Variants in ABCA13 observed in about 807,000 individuals in gnomAD.
ABCA13 encodes the protein ATP binding cassette subfamily A member 13.
In ABCA13, 476 loss-of-function variants were observed where a neutral mutation model predicts 478.7. The ratio of observed to expected loss-of-function variants is 0.99; its 90% CI spans 0.92 to 1.07. The LOEUF (loss-of-function observed/expected upper bound fraction) is 1.07. Ranked by LOEUF, ABCA13 falls within the 50% of genes least tolerant of loss-of-function variation. The pLI, the probability that ABCA13 is intolerant of heterozygous loss-of-function variation, is 0.00. For synonymous variants in ABCA13, 2,252 were observed against 2,158.9 expected, an observed-to-expected ratio of 1.04 and a Z score of -1.20; for missense variants, 6,060 against 5,910.6, an observed-to-expected ratio of 1.03 and a Z score of -0.83.
chr7:48,181,004 A>G (rs1002599190), intron 1 of ABCA13, among the ~76,000 whole-genome samples: 1 of 152,198 alleles, frequency 6.6e-6, no homozygotes, highest in Non-Finnish European at 1.5e-5. Flanking sequence ...TCTAAGTAGT[A>G]ATATGGCTAA....
chr7:48,335,461 T>G lies in ABCA13; in HGVS notation c.10039T>G (p.Leu3347Val). Residue 3347 changes from leucine to valine, a missense_variant, in exon 28 of 62, where the codon TTA becomes GTA. This residue lies in a region of ABCA13 where 4,423 missense variants were observed against 4,309.1 expected (regional missense o/e 1.03). Coordinates refer to ENST00000435803, the MANE Select transcript of ABCA13 (RefSeq NM_152701.5). ...TTATATTGTGGACAAACTAAAAACT[T>G]TATCAGAAACACTGCTGGAAATGTC... is the stretch of plus-strand genomic sequence containing the variant. Reference protein sequence around the residue: ...TFYIVDKLKTLSETLLEMSSL... With the variant: ...TFYIVDKLKTVSETLLEMSSL... The G allele has an allele frequency of 6.2e-7, 1 of 1,613,374 alleles. No individual in the cohort carries two copies.
intron 3 of ABCA13, among the ~76,000 whole-genome samples, chr7:48,217,597 G>T (rs1786678477): frequency 6.6e-6 from 1 of 152,124 alleles, no homozygotes; most frequent in Admixed American, 6.5e-5. Flanking sequence ...TTGACTCCAA[G>T]GGAGCTCTCA....
chr7:48,420,643 A>G lies in ABCA13; in HGVS notation c.12460-7123A>G, dbSNP rs546990984. Among the ~76,000 whole-genome samples the G allele has an allele frequency of 2.0e-5, 3 of 151,652 alleles. No homozygotes were observed. In the East Asian group the frequency reaches 5.8e-4, roughly 29 times the overall value. Reference sequence around the variant, plus strand: ...TGTACCTTTGCCAAGGAGGTTCTGGATGCTAGTTCCTTGGGTGCATGAACT... The same window carrying G: ...TGTACCTTTGCCAAGGAGGTTCTGGGTGCTAGTTCCTTGGGTGCATGAACT... On this transcript the variant is annotated intron_variant, in intron 41 of 61. Transcript: ENST00000435803.
intron 58 of ABCA13, among the ~76,000 whole-genome samples, chr7:48,595,534 T>G (rs980881177): frequency 2.6e-5 from 4 of 152,328 alleles, no homozygotes; most frequent in Non-Finnish European, 4.4e-5. Context: ...AAATTTAGCT[T>G]GATACAGTTT....
intron 29 of ABCA13, among the ~76,000 whole-genome samples, chr7:48,341,914 C>CTT (rs1807287601): frequency 5.4e-5 from 2 of 37,300 alleles, no homozygotes; most frequent in Non-Finnish European, 6.0e-5. Flanking sequence ...TATATATATA[C>CTT]TCATATATAT....
chr7:48,580,072 C>T (rs1384162796), intron 55 of ABCA13, among the ~76,000 whole-genome samples, 152 bp from the exon 56 acceptor site: 1 of 152,294 alleles, frequency 6.6e-6, no homozygotes, highest in Non-Finnish European at 1.5e-5. Flanking sequence ...TTGTATTCTT[C>T]ACGTCTCATG....
At chr7:48,383,186 A>G (rs1218652955) in intron 35 of ABCA13, among the ~76,000 whole-genome samples, 4 of 152,236 alleles carry the variant, frequency 2.6e-5, no homozygotes, top group Non-Finnish European at 4.4e-5. Flanking sequence ...ACAAGGATAC[A>G]ACTAATAAAG....
In ABCA13 at chr7:48,240,925, A is replaced by G. The variant is rs1790735690; in HGVS notation, c.1121A>G (p.His374Arg). 3.1e-6 allele frequency: 5 copies of G among 1,612,608 alleles called. No individual in the cohort carries two copies. In the Admixed American group the frequency reaches 5.0e-5, roughly 16 times the overall value. ...CAGAAGACACTCACAGGCATGGGCC[A>G]TAGTCTGGAGGCTCTCAGGAATCAG... ...LLQKTLTGMG[H>R]SLEALRNQFE... Residue 374 changes from histidine to arginine, a missense_variant, in exon 10 of 62, where the codon CAT becomes CGT. Coordinates refer to ENST00000435803, the MANE Select transcript of ABCA13 (RefSeq NM_152701.5).
intron 15 of ABCA13, among the ~76,000 whole-genome samples, chr7:48,255,385 A>G (rs1346565132): frequency 6.6e-6 from 1 of 152,182 alleles, no homozygotes; most frequent in African/African-American, 2.4e-5. Flanking sequence ...AATACTTAAG[A>G]CAGTATGTGA....
chr7:48,545,660 AAGG>A (rs1379086029), intron 55 of ABCA13, among the ~76,000 whole-genome samples: 1 of 151,704 alleles, frequency 6.6e-6, no homozygotes, highest in Middle Eastern at 3.2e-3. Flanking sequence ...CTATCACAAA[AAGG>A]AGAATTGGCA....
Position 48,509,490 on chromosome 7 carries a change from C to T in ABCA13, c.13524+1441C>T, listed in dbSNP as rs149669800. Among the ~76,000 whole-genome samples, 249 of 152,288 alleles carry T rather than the reference C, an allele frequency of 1.6e-3. 4 individuals carry two copies. The highest frequency in any genetic ancestry group is 5.7e-3 in the African/African-American group (237 of 41,566). On this transcript the variant is annotated intron_variant, in intron 50 of 61. Coordinates refer to ENST00000435803, the MANE Select transcript of ABCA13 (RefSeq NM_152701.5). ...CATGGGGCTTTCAAAGTCTCCAAAA[C>T]CCCAGGATCTTCCTTCTTTTCAGCA...
At chr7:48,410,796 C>T in intron 40 of ABCA13, 119 bp downstream of exon 40, 4 of 1,377,426 alleles carry the variant, frequency 2.9e-6, no homozygotes, top group African/African-American at 1.4e-5. Flanking sequence ...GCACAATGGC[C>T]CACATGCCAA....
chr7:48,487,159 A>G (rs1829383595), intron 47 of ABCA13, among the ~76,000 whole-genome samples: 1 of 151,910 alleles, frequency 6.6e-6, no homozygotes, highest in Admixed American at 6.6e-5. Flanking sequence ...AAAAATACAA[A>G]ATTAGCCGGG....
intron 40 of ABCA13, among the ~76,000 whole-genome samples, chr7:48,410,920 C>A (rs963106010): frequency 6.6e-6 from 1 of 152,148 alleles, no homozygotes; most frequent in Non-Finnish European, 1.5e-5. Context: ...ATAACAGGAG[C>A]TGCTGTGAGT....
intron 15 of ABCA13, among the ~76,000 whole-genome samples, chr7:48,251,733 ATTG>A (rs1792597891): frequency 6.7e-6 from 1 of 150,254 alleles, no homozygotes; most frequent in African/African-American, 2.4e-5. Context: ...ATTTAGTGTG[ATTG>A]TTGTTCTTTT....
At chr7:48,458,064 A>T (rs917461929) in intron 43 of ABCA13, among the ~76,000 whole-genome samples, 1 of 152,164 alleles carries the variant, frequency 6.6e-6, no homozygotes, top group Non-Finnish European at 1.5e-5. Context: ...TTTCTTCTGC[A>T]TACTGGATCC....
rs199897900 is a variant in ABCA13 at position 48,524,342 on chromosome 7, G to C, written c.14146G>C (p.Asp4716His). 6.2e-6 allele frequency: 10 copies of C among 1,613,236 alleles called. No individual in the cohort carries two copies. The highest frequency in any genetic ancestry group is 8.5e-6 in the Non-Finnish European group (10 of 1,179,482). The change falls in exon 54 of 62, where the codon GAC becomes CAC. Residue 4716 changes from aspartate to histidine, a missense_variant. By Grantham distance (81) the Asp-to-His change is moderately conservative (BLOSUM62 -1). Around this residue, in one of 3 missense-constraint regions of ABCA13, gnomAD observed 1,627 missense variants for 1,571.0 expected, o/e 1.04. Transcript: ENST00000435803. Reference sequence around the variant, plus strand: ...AGTGTTTGAAGGAAGGACCAATGGAGACATTCTTGTGTTATACAACCTTAG... The same window carrying C: ...AGTGTTTGAAGGAAGGACCAATGGACACATTCTTGTGTTATACAACCTTAG... Reference protein sequence around the residue: ...KRVFEGRTNGDILVLYNLSKH... With the variant: ...KRVFEGRTNGHILVLYNLSKH...
intron 55 of ABCA13, among the ~76,000 whole-genome samples, chr7:48,529,055 G>A (rs1833054654): frequency 6.6e-6 from 1 of 152,116 alleles, no homozygotes; most frequent in African/African-American, 2.4e-5. Context: ...TGCTTGGTTG[G>A]GAACATTCAG....
intron 42 of ABCA13, among the ~76,000 whole-genome samples, chr7:48,438,638 C>A (rs1344463056): frequency 6.6e-6 from 1 of 150,830 alleles, no homozygotes; most frequent in Non-Finnish European, 1.5e-5. Flanking sequence ...TTTTTTTTAA[C>A]CTGTTGAGGC....
Sources: allele counts gnomAD v4.1 joint callset (sites outside exome capture counted in the v4.1 genomes callset), GRCh38; gene constraint gnomAD v4.1.1; regional missense constraint gnomAD v4.1.1; transcripts MANE v1.5; gene names NCBI Gene and HGNC (gene_info 2026-07-23, HGNC 2026-07-21).